The following ZBTB20 variants were observed in gnomAD, a reference collection of about 807,000 sequenced individuals.
ZBTB20 encodes the protein zinc finger and BTB domain-containing protein 20.
Under a neutral mutation model 56.9 loss-of-function variants are expected in ZBTB20, and 9 were observed. The observed-to-expected ratio is 0.16, with a 90% CI of 0.10 to 0.28. The LOEUF (loss-of-function observed/expected upper bound fraction) is 0.28, where lower values mean the gene tolerates loss of function less well. ZBTB20 is among the 10% of genes least tolerant of loss of function. The pLI is 1.00. For missense variants in ZBTB20, 655 were observed against 1,003.0 expected (o/e 0.65, Z 4.69); for synonymous variants, 417 against 420.7 (o/e 0.99, Z 0.11).
chr3:114,636,263 G>C (rs1231390879), intron 6 of ZBTB20, among the ~76,000 whole-genome samples: 1 of 152,124 alleles, frequency 6.6e-6, no homozygotes, highest in Admixed American at 6.6e-5. Flanking sequence ...CACCATCACT[G>C]TACCTGCTTT....
intron 7 of ZBTB20, among the ~76,000 whole-genome samples, chr3:114,430,012 A>G (rs1416244578): frequency 9.5e-6 from 1 of 104,958 alleles, no homozygotes; most frequent in Non-Finnish European, 2.5e-5. Flanking sequence ...TCTCCAAGTC[A>G]TTTCCCTTAC....
chr3:114,892,328 A>G (rs1258524812), intron 4 of ZBTB20, among the ~76,000 whole-genome samples: 1 of 152,206 alleles, frequency 6.6e-6, no homozygotes, highest in East Asian at 1.9e-4. Context: ...TGGAACAGCA[A>G]ATAAATTTGG....
At chr3:114,794,332 A>C (rs2071192365) in intron 5 of ZBTB20, among the ~76,000 whole-genome samples, 1 of 151,938 alleles carries the variant, frequency 6.6e-6, no homozygotes, top group African/African-American at 2.4e-5. Flanking sequence ...CCTGCACTTA[A>C]TATTTCTTTT....
At chr3:115,050,426 T>C (rs1197633240) in intron 2 of ZBTB20, among the ~76,000 whole-genome samples, 4 of 151,958 alleles carry the variant, frequency 2.6e-5, no homozygotes, top group Non-Finnish European at 5.9e-5. Context: ...TTTGGGGGCA[T>C]GTATGACATT....
rs558133620 is a variant in ZBTB20 at position 114,744,325 on chromosome 3, T to C, written c.-342-50750A>G. Among the ~76,000 whole-genome samples, 20 of 152,288 alleles carry C rather than the reference T, an allele frequency of 1.3e-4. No homozygotes were observed. The South Asian group carries it at 2.5e-3, about 19-fold the overall frequency. On this transcript the variant is annotated intron_variant, in intron 5 of 11. Coordinates refer to ENST00000675478, the MANE Select transcript of ZBTB20 (RefSeq NM_001348800.3). ...CACCTCACACTTTCGATTATTGCAATGGTGGAAACCATGATAAATAAAAGC... is the reference window on the plus strand; with the variant it reads ...CACCTCACACTTTCGATTATTGCAACGGTGGAAACCATGATAAATAAAAGC...
At chr3:114,507,942 T>A (rs1409248792) in intron 6 of ZBTB20, among the ~76,000 whole-genome samples, 1 of 152,126 alleles carries the variant, frequency 6.6e-6, no homozygotes, top group Non-Finnish European at 1.5e-5. Flanking sequence ...CAAATAAAAT[T>A]GGGAAAAATG....
intron 4 of ZBTB20, among the ~76,000 whole-genome samples, chr3:114,849,443 T>G (rs1460078434): frequency 6.6e-6 from 1 of 152,212 alleles, no homozygotes; most frequent in South Asian, 2.1e-4. Flanking sequence ...TCTGTGACCA[T>G]GAGTAAATCA....
intron 2 of ZBTB20, among the ~76,000 whole-genome samples, chr3:114,990,016 G>C (rs1576502476): frequency 6.6e-6 from 1 of 152,206 alleles, no homozygotes; most frequent in East Asian, 1.9e-4. Context: ...AGATGATGGG[G>C]TTTTCTAAAT....
At chr3:115,007,866 C>T (rs2079542236) in intron 2 of ZBTB20, among the ~76,000 whole-genome samples, 1 of 151,792 alleles carries the variant, frequency 6.6e-6, no homozygotes, top group Non-Finnish European at 1.5e-5. Flanking sequence ...GATGTTTTGA[C>T]ATTCTTGACA....
intron 6 of ZBTB20, among the ~76,000 whole-genome samples, chr3:114,679,141 AT>A (rs2061814233): frequency 1.3e-5 from 2 of 152,190 alleles, no homozygotes; most frequent in Admixed American, 6.6e-5. Flanking sequence ...TTCAAGATGG[AT>A]TAAAGACTTA....
At chr3:115,046,132 G>C (rs1400467234) in intron 2 of ZBTB20, among the ~76,000 whole-genome samples, 1 of 152,124 alleles carries the variant, frequency 6.6e-6, no homozygotes, top group East Asian at 1.9e-4. Context: ...GGCTCTGTCA[G>C]GTAGTTCTAG....
chr3:114,626,876 C>G (rs548970171), intron 6 of ZBTB20, among the ~76,000 whole-genome samples: 2 of 152,302 alleles, frequency 1.3e-5, no homozygotes, highest in African/African-American at 4.8e-5. Context: ...AATTGTGGGT[C>G]TGACCATCTG....
chr3:114,920,214 G>C (rs1226669698), intron 3 of ZBTB20, among the ~76,000 whole-genome samples: 1 of 152,120 alleles, frequency 6.6e-6, no homozygotes, highest in Non-Finnish European at 1.5e-5. Context: ...AAAATGGATA[G>C]ATCATATAGA....
intron 6 of ZBTB20, among the ~76,000 whole-genome samples, chr3:114,669,749 T>C (rs1401488663): frequency 6.6e-6 from 1 of 151,982 alleles, no homozygotes; most frequent in Non-Finnish European, 1.5e-5. Flanking sequence ...GTGCAGAACA[T>C]AGCACCACAT....
At chr3:114,867,376 G>A (rs1252232473) in intron 4 of ZBTB20, among the ~76,000 whole-genome samples, 2 of 152,136 alleles carry the variant, frequency 1.3e-5, no homozygotes, top group African/African-American at 4.8e-5. Context: ...CTTTCCCTTT[G>A]AAAAGTAACA....
chr3:114,770,431 A>G (rs1200217894), intron 5 of ZBTB20, among the ~76,000 whole-genome samples: 1 of 151,794 alleles, frequency 6.6e-6, no homozygotes, highest in Non-Finnish European at 1.5e-5. Context: ...CCTGGGCAAC[A>G]AGAGCAAAAC....
intron 1 of ZBTB20, among the ~76,000 whole-genome samples, chr3:115,091,202 G>GC (rs1175391126): frequency 5.9e-5 from 9 of 151,886 alleles, no homozygotes; most frequent in Middle Eastern, 3.4e-3. Flanking sequence ...TCCCCTATAA[G>GC]CCCCTTTGCC....
At chr3:115,036,678 G>A (rs1466546316) in intron 2 of ZBTB20, among the ~76,000 whole-genome samples, 1 of 152,178 alleles carries the variant, frequency 6.6e-6, no homozygotes, top group East Asian at 1.9e-4. Flanking sequence ...CTCCCAAAGT[G>A]CTGGGATTAC....
chr3:114,883,986 CAG>C (rs750992286), intron 4 of ZBTB20, among the ~76,000 whole-genome samples: 95,888 of 117,988 alleles, frequency 0.81, 42,614 homozygotes, highest in East Asian at 0.96. Flanking sequence ...AGTGCAGTGG[CAG>C]GATCTCGGCT....
Sources: allele counts gnomAD v4.1 joint callset (sites outside exome capture counted in the v4.1 genomes callset), GRCh38; gene constraint gnomAD v4.1.1; transcripts MANE v1.5; gene names NCBI Gene and HGNC (gene_info 2026-07-23, HGNC 2026-07-21).